ZFHX3: variants seen among roughly 807,000 people sequenced by gnomAD.
ZFHX3 encodes the protein zinc finger homeobox protein 3.
Under a neutral mutation model 279.1 loss-of-function variants are expected in ZFHX3, and 42 were observed. The observed-to-expected ratio is 0.15, with a 90% CI of 0.12 to 0.19. The LOEUF is 0.19. ZFHX3 is among the 10% of genes least tolerant of loss of function. The pLI is 1.00. For synonymous variants in ZFHX3, 2,293 were observed against 1,957.8 expected (o/e 1.17, Z -4.52); for missense variants, 4,981 against 4,754.0 (o/e 1.05, Z -1.40).
At chr16:73,648,065 T>A (rs566052651) in intron 2 of ZFHX3, among the ~76,000 whole-genome samples, 2 of 152,348 alleles carry the variant, frequency 1.3e-5, no homozygotes, top group South Asian at 4.1e-4. Flanking sequence ...TGGGGCTACA[T>A]TCTGGAGGAT....
intron 3 of ZFHX3, among the ~76,000 whole-genome samples, chr16:73,395,738 A>T (rs1455693230): frequency 6.6e-6 from 1 of 152,116 alleles, no homozygotes; most frequent in African/African-American, 2.4e-5. Context: ...TACTTTAAAA[A>T]GGCCTATAGA....
chr16:73,079,806 C>T (rs1340593628), intron 8 of ZFHX3, among the ~76,000 whole-genome samples: 1 of 152,196 alleles, frequency 6.6e-6, no homozygotes, highest in Non-Finnish European at 1.5e-5. Context: ...TGTTCTCTGG[C>T]CCTTGCTTGA....
intron 1 of ZFHX3, among the ~76,000 whole-genome samples, chr16:73,709,561 G>C (rs1277413568): frequency 6.6e-6 from 1 of 151,906 alleles, no homozygotes; most frequent in East Asian, 1.9e-4. Context: ...TCGCTTATAT[G>C]TGGAATCTAA....
chr16:73,586,758 C>T (rs1450238023), intron 2 of ZFHX3, among the ~76,000 whole-genome samples: 1 of 152,068 alleles, frequency 6.6e-6, no homozygotes, highest in Non-Finnish European at 1.5e-5. Flanking sequence ...ATCTGAAAAA[C>T]ACAAAACTAA....
In ZFHX3 at chr16:72,796,932, T is replaced by C. The variant is rs1331648033; in HGVS notation, c.5750A>G (p.Glu1917Gly). 1.2e-6 allele frequency: 2 copies of C among 1,613,980 alleles called. No individual in the cohort carries two copies. The highest frequency in any genetic ancestry group is 1.1e-5 in the South Asian group (1 of 91,066). ...ETLPDALKAK[E>G]KKELAPGGGS... ...ACCCCCTGGTGCCAACTCTTTCTTC[T>C]CTTTGGCCTTCAAGGCATCTGGCAG... The change falls in exon 9 of 10, where the codon GAG becomes GGG. Residue 1917 changes from glutamate to glycine, a missense_variant. Around this residue, in one of 7 missense-constraint regions of ZFHX3, gnomAD observed 1,751 missense variants for 1,770.0 expected, o/e 0.99. Transcript: ENST00000268489.
intron 1 of ZFHX3, among the ~76,000 whole-genome samples, chr16:73,720,273 A>G (rs2142237079): frequency 6.6e-6 from 1 of 152,226 alleles, no homozygotes; most frequent in Admixed American, 6.5e-5. Context: ...ATTTATCAAC[A>G]CTCTTAAAAA....
chr16:73,461,690 T>C (rs886224266), intron 2 of ZFHX3, among the ~76,000 whole-genome samples: 2 of 152,254 alleles, frequency 1.3e-5, no homozygotes, highest in African/African-American at 4.8e-5. Flanking sequence ...AAATCATTTG[T>C]AAGTATTTGT....
intron 4 of ZFHX3, among the ~76,000 whole-genome samples, chr16:73,275,281 G>C (rs775205389): frequency 1.3e-5 from 2 of 152,138 alleles, no homozygotes; most frequent in Admixed American, 1.3e-4. Context: ...TAGAACAGAG[G>C]GGGTGAGTCA....
chr16:73,521,636 G>C (rs572551998), intron 2 of ZFHX3, among the ~76,000 whole-genome samples: 1 of 151,960 alleles, frequency 6.6e-6, no homozygotes, highest in Non-Finnish European at 1.5e-5. Context: ...AACGTAGAAA[G>C]GGGTGGAAAT....
intron 3 of ZFHX3, among the ~76,000 whole-genome samples, chr16:73,448,685 C>CGTGTGT (rs71156167): frequency 0.48 from 67,408 of 141,896 alleles, 17,798 homozygotes; most frequent in Admixed American, 0.6. Flanking sequence ...TATTTATATA[C>CGTGTGT]GTGTGTGTGT....
chr16:73,817,274 T>C (rs1053732630), intron 1 of ZFHX3, among the ~76,000 whole-genome samples: 3 of 152,238 alleles, frequency 2.0e-5, no homozygotes, highest in African/African-American at 7.2e-5. Flanking sequence ...GTGATTTCAG[T>C]GGCTTATTTC....
intron 3 of ZFHX3, among the ~76,000 whole-genome samples, chr16:73,446,832 A>C (rs1297768229): frequency 6.6e-6 from 1 of 152,106 alleles, no homozygotes; most frequent in African/African-American, 2.4e-5. Flanking sequence ...ACAAACCCCC[A>C]TGACACAAGT....
Position 72,984,075 on chromosome 16 carries a change from C to T in ZFHX3, c.-49-23881G>A, listed in dbSNP as rs148680405. On this transcript the variant is annotated intron_variant, in intron 1 of 9. Transcript: ENST00000268489. ...TACACCTGCAGCCTTCTTGCCTATA[C>T]CTGCTCACGCTCCTTCAAGCACAGG... is the stretch of plus-strand genomic sequence containing the variant. Among the ~76,000 whole-genome samples the T allele has an allele frequency of 4.7e-4, 71 of 152,342 alleles. 1 individual carries two copies. The East Asian group carries it at 9.6e-3, about 21-fold the overall frequency.
At chr16:72,847,659 G>A (rs2037512848) in intron 4 of ZFHX3, among the ~76,000 whole-genome samples, 1 of 152,030 alleles carries the variant, frequency 6.6e-6, no homozygotes, top group South Asian at 2.1e-4. Flanking sequence ...TCTCCCCAGA[G>A]GAGTGAATTC....
intron 1 of ZFHX3, among the ~76,000 whole-genome samples, chr16:73,769,852 T>C (rs2053997725): frequency 6.6e-6 from 1 of 152,342 alleles, no homozygotes; most frequent in Middle Eastern, 3.4e-3. Context: ...ACCATTTATT[T>C]GGCTCCAGTG....
chr16:72,905,579 C>G lies in ZFHX3; in HGVS notation c.3217-15617G>C, dbSNP rs150314383. 3.7e-3 allele frequency among the ~76,000 whole-genome samples: 557 copies of G among 152,292 alleles called. 1 individual carries two copies. Among genetic ancestry groups the G allele is most frequent in the Middle Eastern group, 0.014 (4 of 294 alleles). On this transcript the variant is annotated intron_variant, in intron 3 of 9. Coordinates refer to ENST00000268489, the MANE Select transcript of ZFHX3 (RefSeq NM_006885.4). The stretch of plus-strand genomic sequence containing the variant: ...AGAAAGGAAGAGGGAGTACACTCCG[C>G]AGATGCCTCCCAGGGGGAGTAACTC...
At chr16:73,274,480 T>C (rs1331761269) in intron 4 of ZFHX3, among the ~76,000 whole-genome samples, 1 of 152,242 alleles carries the variant, frequency 6.6e-6, no homozygotes, top group Non-Finnish European at 1.5e-5. Context: ...ACTTTCATGC[T>C]TTTGTTACTT....
Position 73,714,212 on chromosome 16 carries a change from G to A in ZFHX3, c.-1607-33972C>T, listed in dbSNP as rs79008230. ...TTTGGTAATTTTCATACGCTATTCA[G>A]ATGCAGTTGGATACATTAGGATCCT... On this transcript the variant is annotated intron_variant, in intron 1 of 17. Coordinates refer to the ZFHX3 transcript ENST00000641206. 7.6e-3 allele frequency among the ~76,000 whole-genome samples: 1,150 copies of A among 152,264 alleles called. 12 individuals are homozygous for A. The highest frequency in any genetic ancestry group is 0.025 in the African/African-American group (1,052 of 41,538).
intron 7 of ZFHX3, among the ~76,000 whole-genome samples, chr16:73,103,794 CTT>C (rs1567389318): frequency 6.6e-6 from 1 of 151,770 alleles, no homozygotes; most frequent in African/African-American, 2.4e-5. Context: ...CTGGTGGAGA[CTT>C]TTATCCGTAG....
Sources: gnomAD v4.1 joint callset for allele counts (sites outside exome capture counted in the v4.1 genomes callset) on GRCh38, gnomAD v4.1.1 for gene constraint, gnomAD v4.1.1 regional missense constraint, MANE v1.5 for transcripts, NCBI Gene and HGNC (gene_info 2026-07-23, HGNC 2026-07-21) for gene names.